SLC4A7: variants seen among roughly 807,000 people sequenced by gnomAD.
SLC4A7 encodes the protein sodium bicarbonate cotransporter 3.
SLC4A7 carries 51 observed loss-of-function variants against 137.6 expected under a neutral mutation model. The observed-to-expected ratio is 0.37, with a 90% CI of 0.30 to 0.47. SLC4A7 has a LOEUF of 0.47. Ranked by LOEUF, SLC4A7 falls within the 20% of genes least tolerant of loss-of-function variation. SLC4A7 has a pLI of 1.00. For synonymous variants in SLC4A7, 542 were observed against 518.6 expected (o/e 1.05, Z -0.61); for missense variants, 1,247 against 1,525.4 (o/e 0.82, Z 3.04).
At chr3:27,432,814 T>C (rs2150379618) in intron 6 of SLC4A7, among the ~76,000 whole-genome samples, 1 of 152,260 alleles carries the variant, frequency 6.6e-6, no homozygotes, top group African/African-American at 2.4e-5. Context: ...AAAGACTGAA[T>C]AGGGTCCCTC....
intron 23 of SLC4A7, among the ~76,000 whole-genome samples, chr3:27,384,678 A>G (rs945602603): frequency 1.3e-5 from 2 of 152,176 alleles, no homozygotes; most frequent in Non-Finnish European, 2.9e-5. Context: ...AAAAACTCAT[A>G]CAGGCCAGGC....
intron 25 of SLC4A7, among the ~76,000 whole-genome samples, 187 bp from the exon 26 acceptor site, chr3:27,377,032 T>C (rs1338158403): frequency 6.6e-6 from 1 of 152,142 alleles, no homozygotes; most frequent in Non-Finnish European, 1.5e-5. Context: ...AATTGTTTTT[T>C]AAAAATTGCA....
chr3:27,448,977 T>C (rs2057875305), intron 2 of SLC4A7, among the ~76,000 whole-genome samples, 180 bp from the exon 3 acceptor site: 1 of 152,254 alleles, frequency 6.6e-6, no homozygotes, highest in Non-Finnish European at 1.5e-5. Flanking sequence ...CCAGGGCTAA[T>C]ATCACTGACA....
At chr3:27,462,725 C>CAT (rs36126354) in intron 1 of SLC4A7, 155,923 of 167,612 alleles carry the variant, frequency 0.93, 72,637 homozygotes, top group East Asian at 1. Flanking sequence ...AAAAGCAACT[C>CAT]AGACTTGGAG....
At chr3:27,405,015 C>T (rs2053196148) in intron 13 of SLC4A7, 52 bp from the exon 14 acceptor site, 6 of 1,330,412 alleles carry the variant, frequency 4.5e-6, no homozygotes, top group Non-Finnish European at 5.1e-6. Flanking sequence ...AAACATTTCT[C>T]TAACGTACTA....
intron 18 of SLC4A7, 151 bp downstream of exon 18, chr3:27,397,533 G>T: frequency 1.7e-6 from 1 of 578,194 alleles, no homozygotes; most frequent in Non-Finnish European, 3.0e-6. Flanking sequence ...ATATACATAT[G>T]AAAAACACAT....
At chr3:27,417,583 A>G (rs952752607) in intron 11 of SLC4A7, among the ~76,000 whole-genome samples, 9 of 152,108 alleles carry the variant, frequency 5.9e-5, no homozygotes, top group African/African-American at 1.9e-4. Flanking sequence ...GTGAGACAGC[A>G]TATCTACAAA....
intron 7 of SLC4A7, among the ~76,000 whole-genome samples, chr3:27,427,284 A>T (rs1442284402): frequency 6.6e-6 from 1 of 150,658 alleles, no homozygotes; most frequent in Non-Finnish European, 1.5e-5. Flanking sequence ...AGTTAGAAAA[A>T]GGTATTTACA....
intron 20 of SLC4A7, among the ~76,000 whole-genome samples, chr3:27,392,494 T>C (rs970198968): frequency 6.6e-6 from 1 of 152,182 alleles, no homozygotes; most frequent in African/African-American, 2.4e-5. Flanking sequence ...ACCTAGCGTG[T>C]CTTTCTAAGG....
At chr3:27,390,804 G>A (rs1392753262) in intron 21 of SLC4A7, among the ~76,000 whole-genome samples, 1 of 152,066 alleles carries the variant, frequency 6.6e-6, no homozygotes, top group Non-Finnish European at 1.5e-5. Flanking sequence ...TGTGCTTTAT[G>A]ATCGTTTTTT....
At chr3:27,421,940 G>A (rs964943738) in intron 8 of SLC4A7, among the ~76,000 whole-genome samples, 161 bp from the exon 9 acceptor site, 2 of 152,124 alleles carry the variant, frequency 1.3e-5, no homozygotes, top group African/African-American at 2.4e-5. Flanking sequence ...TATAAAGAAT[G>A]GAGTAGACAT....
Position 27,403,322 on chromosome 3 carries a change from C to T in SLC4A7, c.2138G>A (p.Cys713Tyr). The T allele has an allele frequency of 6.2e-7, 1 of 1,612,986 alleles. No homozygotes were observed. The highest frequency in any genetic ancestry group is 8.5e-7 in the Non-Finnish European group (1 of 1,179,484). ...TGCATCTGTTGCAACCAAAACAATGCACAAAAAAGAAGTCCACAGACCAAT... is the reference window on the plus strand; with the variant it reads ...TGCATCTGTTGCAACCAAAACAATGTACAAAAAAGAAGTCCACAGACCAAT... ...TSIGLWTSFL[C>Y]IVLVATDASS... Residue 713 changes from cysteine (C) to tyrosine (Y), a missense_variant, in exon 15 of 26, where the codon TGC (cysteine) becomes TAC (tyrosine). By Grantham distance (194) the Cys-to-Tyr change is radical (BLOSUM62 -2). Coordinates refer to ENST00000454389, the MANE Select transcript of SLC4A7 (RefSeq NM_001321103.2).
At chr3:27,466,828 G>T (rs1439116726) in intron 1 of SLC4A7, among the ~76,000 whole-genome samples, 7 of 152,068 alleles carry the variant, frequency 4.6e-5, no homozygotes, top group Admixed American at 4.6e-4. Flanking sequence ...CTGCACTCCA[G>T]CTTGGGCAAA....
intron 25 of SLC4A7, among the ~76,000 whole-genome samples, chr3:27,377,382 TA>T (rs1260866786): frequency 6.6e-6 from 1 of 152,162 alleles, no homozygotes; most frequent in African/African-American, 2.4e-5. Flanking sequence ...ATAGAACAAA[TA>T]TTTGAAATAT....
At chr3:27,439,325 A>G (rs2057009457) in intron 3 of SLC4A7, among the ~76,000 whole-genome samples, 1 of 152,202 alleles carries the variant, frequency 6.6e-6, no homozygotes, top group Non-Finnish European at 1.5e-5. Flanking sequence ...GCATATAAAA[A>G]ACATATCTGA....
intron 7 of SLC4A7, among the ~76,000 whole-genome samples, chr3:27,431,069 A>C (rs73048082): frequency 6.6e-6 from 1 of 152,270 alleles, no homozygotes; most frequent in Non-Finnish European, 1.5e-5. Context: ...CTTGCCACTG[A>C]AAGTAATTTT....
At chr3:27,430,337 G>A (rs1236365499) in intron 7 of SLC4A7, among the ~76,000 whole-genome samples, 1 of 151,642 alleles carries the variant, frequency 6.6e-6, no homozygotes, top group African/African-American at 2.4e-5. Flanking sequence ...AAGCTACCAA[G>A]GCAAGACGCA....
chr3:27,447,858 CA>C, intron 3 of SLC4A7, among the ~76,000 whole-genome samples: 1 of 151,402 alleles, frequency 6.6e-6, no homozygotes, highest in Admixed American at 6.6e-5. Flanking sequence ...CTTTTTTGCA[CA>C]GAAAACCAAA....
In SLC4A7 at chr3:27,390,016, T is replaced by C. The variant is rs963818634; in HGVS notation, c.3275A>G (p.His1092Arg). Residue 1092 changes from histidine (H) to arginine (R), a missense_variant, in exon 22 of 26, where the codon CAT becomes CGT. This residue lies in a region of SLC4A7 where 290 missense variants were observed against 323.8 expected (regional missense o/e 0.90). Coordinates refer to ENST00000454389, the MANE Select transcript of SLC4A7 (RefSeq NM_001321103.2). ...YLRYVPLWKV[H>R]IFTVIQLTCL... Reference sequence around the variant, plus strand: ...AGTAAGCTGAATGACTGTGAAAATATGGACCTTCCAGAGCGGCACATAACG... The same window carrying C: ...AGTAAGCTGAATGACTGTGAAAATACGGACCTTCCAGAGCGGCACATAACG... 2.5e-6 allele frequency: 4 copies of C among 1,613,624 alleles called. No homozygotes were observed. The highest frequency in any genetic ancestry group is 1.6e-4 in the Middle Eastern group (1 of 6,062).
Sources: allele counts gnomAD v4.1 joint callset (sites outside exome capture counted in the v4.1 genomes callset), GRCh38; gene constraint gnomAD v4.1.1; regional missense constraint gnomAD v4.1.1; transcripts MANE v1.5; gene names NCBI Gene and HGNC (gene_info 2026-07-23, HGNC 2026-07-21).